Variants in FAM118B observed in about 807,000 individuals in gnomAD.
The protein encoded by FAM118B is protein FAM118B.
Under a neutral mutation model 38.5 loss-of-function variants are expected in FAM118B, and 24 were observed. That is an observed-to-expected ratio of 0.62 (90% CI 0.45 to 0.88). FAM118B has a LOEUF of 0.88. FAM118B is among the 40% of genes least tolerant of loss of function. The pLI is 0.00. For synonymous variants in FAM118B, 138 were observed against 156.3 expected (o/e 0.88, Z 0.87); for missense variants, 334 against 420.0 (o/e 0.80, Z 1.79).
At chr11:126,231,367 T>G (rs1317074213) in intron 2 of FAM118B, among the ~76,000 whole-genome samples, 1 of 152,258 alleles carries the variant, frequency 6.6e-6, no homozygotes, top group Non-Finnish European at 1.5e-5. Context: ...TTTGAAGCTC[T>G]TTAGCAATAA....
chr11:126,254,736 A>T (rs539237808), intron 6 of FAM118B, among the ~76,000 whole-genome samples: 1 of 152,304 alleles, frequency 6.6e-6, no homozygotes, highest in East Asian at 1.9e-4. Context: ...TGAGGCAGGA[A>T]GATTAGTTGA....
intron 1 of FAM118B, among the ~76,000 whole-genome samples, chr11:126,223,728 G>A (rs938430471): frequency 3.9e-5 from 6 of 152,070 alleles, no homozygotes; most frequent in African/African-American, 1.4e-4. Context: ...GCCAGAAATA[G>A]TTCTTCCCCT....
Position 126,255,347 on chromosome 11 carries a change from C to T in FAM118B, c.696+914C>T, listed in dbSNP as rs904078866. On this transcript the variant is annotated intron_variant, in intron 6 of 8. Transcript: ENST00000533050. This position sits in a 1 kb window ranked among gnomAD's most constrained non-coding sequence, Gnocchi z 4.6. ...ATCTTTTAATAATGAGGCAAAAGAC[C>T]GAGAAAATGTATTGTCTAAAGCACA... 9.2e-5 allele frequency among the ~76,000 whole-genome samples: 14 copies of T among 152,054 alleles called. No homozygotes were observed. Among genetic ancestry groups the T allele is most frequent in the African/African-American group, 2.2e-4 (9 of 41,384 alleles).
intron 3 of FAM118B, among the ~76,000 whole-genome samples, chr11:126,236,682 C>G (rs1950278503): frequency 6.6e-6 from 1 of 151,744 alleles, no homozygotes; most frequent in African/African-American, 2.4e-5. Flanking sequence ...TTTTTCTATT[C>G]CACATTTTTT....
At chr11:126,247,630 C>T (rs946878979) in intron 4 of FAM118B, among the ~76,000 whole-genome samples, 12 of 151,962 alleles carry the variant, frequency 7.9e-5, no homozygotes, top group African/African-American at 1.9e-4. Flanking sequence ...GAGGCCGAGG[C>T]GGGCAGATCA....
chr11:126,214,517 T>TTTTTTTTTTTTTC (rs1565322489), intron 1 of FAM118B: 1 of 95,442 alleles, frequency 1.0e-5, no homozygotes, highest in African/African-American at 3.9e-5. Flanking sequence ...TTTTTTTGTT[T>TTTTTTTTTTTTTC]TTTTTTTTTT....
At chr11:126,216,627 T>A (rs1949982822) in intron 1 of FAM118B, among the ~76,000 whole-genome samples, 1 of 152,208 alleles carries the variant, frequency 6.6e-6, no homozygotes, top group South Asian at 2.1e-4. Context: ...TATGAAACAC[T>A]GAAACAAGTA....
intron 1 of FAM118B, among the ~76,000 whole-genome samples, chr11:126,215,717 T>C (rs867126622): frequency 1.0e-5 from 1 of 95,962 alleles, no homozygotes; most frequent in Admixed American, 1.1e-4. Flanking sequence ...AAAAAAAAAA[T>C]GTCCTAAATG....
rs1288751237 is a variant in FAM118B at position 126,255,480 on chromosome 11, T to C, written c.696+1047T>C. On this transcript the variant is annotated intron_variant, in intron 6 of 8. Transcript: ENST00000533050. The surrounding 1 kb of genome is among the most constrained non-coding windows in gnomAD (Gnocchi z 4.6). ...GCAGTCATTTCTGTGTTTTTGTGTG[T>C]GTATATGTATACACACACACACACA... 6.6e-6 allele frequency among the ~76,000 whole-genome samples: 1 copy of C among 152,194 alleles called. No homozygotes were observed. The highest frequency in any genetic ancestry group is 1.5e-5 in the Non-Finnish European group (1 of 68,034).
At chr11:126,226,837 G>T (rs2135141261) in intron 1 of FAM118B, among the ~76,000 whole-genome samples, 1 of 151,730 alleles carries the variant, frequency 6.6e-6, no homozygotes, top group South Asian at 2.1e-4. Context: ...GCCAGGCATG[G>T]TGATATGCGC....
At chr11:126,214,521 T>G (rs1400313794) in intron 1 of FAM118B, 2 of 123,654 alleles carry the variant, frequency 1.6e-5, no homozygotes, top group Non-Finnish European at 3.4e-5. Context: ...TTTGTTTTTT[T>G]TTTTTTACCT....
chr11:126,242,036 A>G (rs1950366431), intron 4 of FAM118B, among the ~76,000 whole-genome samples: 1 of 151,856 alleles, frequency 6.6e-6, no homozygotes, highest in African/African-American at 2.4e-5. Flanking sequence ...AAAAAAAAAA[A>G]AAAAAAAGGA....
At position 126,256,189 on chromosome 11, in the gene FAM118B, C is replaced by T. The variant is rs1295562022; in HGVS notation, c.697-378C>T. 6.6e-6 allele frequency among the ~76,000 whole-genome samples: 1 copy of T among 152,180 alleles called. No homozygotes were observed. Among genetic ancestry groups the T allele is most frequent in the Non-Finnish European group, 1.5e-5 (1 of 68,026 alleles). On this transcript the variant is annotated intron_variant, in intron 6 of 8. Coordinates refer to ENST00000533050, the MANE Select transcript of FAM118B (RefSeq NM_024556.4). This position sits in a 1 kb window ranked among gnomAD's most constrained non-coding sequence, Gnocchi z 6.6. ...GCTGAGGCATGAGAGTCACTTGAAC[C>T]AGGGTGGTGGAGGTTGCAGTAAGCC...
In FAM118B at chr11:126,252,187, A is replaced by G. The variant is rs933174742; in HGVS notation, c.567+1454A>G. The stretch of plus-strand genomic sequence containing the variant: ...TTTTCAGTAGAGACAGGGTTTCACC[A>G]TGTTGGCCAGGCTGGTCTCGAACTC... On this transcript the variant is annotated intron_variant, in intron 5 of 8. Transcript: ENST00000533050. The surrounding 1 kb of genome is among the most constrained non-coding windows in gnomAD (Gnocchi z 4.7). Among the ~76,000 whole-genome samples, 7 of 151,834 alleles carry G rather than the reference A, an allele frequency of 4.6e-5. No individual in the cohort carries two copies. In the East Asian group the frequency reaches 1.2e-3, roughly 25 times the overall value.
chr11:126,249,326 G>A (rs1415859730), intron 4 of FAM118B, among the ~76,000 whole-genome samples: 1 of 152,190 alleles, frequency 6.6e-6, no homozygotes, highest in East Asian at 1.9e-4. Context: ...TTAACCTTTT[G>A]TATACTGGAT....
intron 7 of FAM118B, chr11:126,260,594 G>C (rs1950669535): frequency 6.6e-6 from 1 of 152,050 alleles, no homozygotes; most frequent in African/African-American, 2.4e-5. Flanking sequence ...AATAACATCT[G>C]TATCTCTTCA....
At chr11:126,238,584 C>T (rs1950311748) in intron 3 of FAM118B, among the ~76,000 whole-genome samples, 1 of 152,174 alleles carries the variant, frequency 6.6e-6, no homozygotes, top group South Asian at 2.1e-4. Context: ...ATTTTATATA[C>T]AGACTTTTAC....
At chr11:126,235,466 C>T (rs188378927) in intron 3 of FAM118B, among the ~76,000 whole-genome samples, 9 of 152,204 alleles carry the variant, frequency 5.9e-5, no homozygotes, top group African/African-American at 2.2e-4. Context: ...TCTGTATTGC[C>T]ACTCCACACA....
chr11:126,259,731 ATTGAT>A (rs1950647209), intron 7 of FAM118B, among the ~76,000 whole-genome samples: 2 of 108,926 alleles, frequency 1.8e-5, no homozygotes, highest in African/African-American at 3.6e-5. Flanking sequence ...GGGCCTATTT[ATTGAT>A]TTGAGATGGA....
Sources: gnomAD v4.1 joint callset for allele counts (sites outside exome capture counted in the v4.1 genomes callset) on GRCh38, gnomAD v4.1.1 for gene constraint, Gnocchi (gnomAD v3.1) non-coding constraint, MANE v1.5 for transcripts, NCBI Gene and HGNC (gene_info 2026-07-23, HGNC 2026-07-21) for gene names.